SIK3: variants seen among roughly 807,000 people sequenced by gnomAD.
SIK3 encodes serine/threonine-protein kinase SIK3.
In SIK3, 28 loss-of-function variants were observed where a neutral mutation model predicts 144.2. The observed-to-expected ratio is 0.19, with a 90% CI of 0.14 to 0.27. SIK3 has a LOEUF of 0.27. Among genes scored for constraint, SIK3 ranks in the 10% least tolerant of loss-of-function variants. The probability of loss-of-function intolerance (pLI) is 1.00; values close to 1 mark genes in which losing one functional copy is unlikely to be tolerated. For missense variants in SIK3, 1,319 were observed against 1,776.0 expected (o/e 0.74, Z 4.62); for synonymous variants, 686 against 676.3 (o/e 1.01, Z -0.22).
At chr11:116,995,190 CCA>C (rs1950621204) in intron 1 of SIK3, among the ~76,000 whole-genome samples, 1 of 151,492 alleles carries the variant, frequency 6.6e-6, no homozygotes, top group Non-Finnish European at 1.5e-5. Context: ...TCGCTTGAAC[CCA>C]GGAGGTGGAG....
intron 1 of SIK3, among the ~76,000 whole-genome samples, chr11:117,051,913 G>A (rs1264690651): frequency 2.0e-5 from 3 of 151,984 alleles, no homozygotes; most frequent in African/African-American, 7.2e-5. Flanking sequence ...GAAGGCTGAG[G>A]CAGGTGGATC....
intron 1 of SIK3, among the ~76,000 whole-genome samples, chr11:117,040,318 T>C (rs1952683021): frequency 6.6e-6 from 1 of 152,208 alleles, no homozygotes; most frequent in Non-Finnish European, 1.5e-5. Flanking sequence ...ATTAATTATC[T>C]AAAGCATTTA....
chr11:117,005,354 A>AG, intron 1 of SIK3, among the ~76,000 whole-genome samples: 13 of 151,342 alleles, frequency 8.6e-5, no homozygotes, highest in Admixed American at 4.0e-4. Context: ...AAAAAAAAAA[A>AG]AAAAAAAGAT....
intron 1 of SIK3, among the ~76,000 whole-genome samples, chr11:116,962,884 C>T (rs1370362952): frequency 6.6e-6 from 1 of 151,780 alleles, no homozygotes; most frequent in African/African-American, 2.4e-5. Context: ...CTAATTTCAC[C>T]ACTTTTTACT....
At chr11:116,967,015 G>GAAAA (rs1233594261) in intron 1 of SIK3, among the ~76,000 whole-genome samples, 2 of 127,860 alleles carry the variant, frequency 1.6e-5, no homozygotes, top group East Asian at 2.1e-4. Context: ...AAAAAAAAAA[G>GAAAA]AAAAAGAAAA....
intron 7 of SIK3, 122 bp downstream of exon 7, chr11:116,876,802 G>C: frequency 2.6e-6 from 2 of 756,686 alleles, no homozygotes; most frequent in Admixed American, 4.0e-5. Context: ...TGCTGCTTTA[G>C]TGTTACATAA....
chr11:116,909,956 T>C (rs1946251751), intron 4 of SIK3, among the ~76,000 whole-genome samples: 1 of 152,194 alleles, frequency 6.6e-6, no homozygotes, highest in Non-Finnish European at 1.5e-5. Context: ...GAAGAATATA[T>C]ACAATGATGA....
chr11:117,016,874 C>T (rs577424258), intron 1 of SIK3, among the ~76,000 whole-genome samples: 1 of 151,968 alleles, frequency 6.6e-6, no homozygotes, highest in African/African-American at 2.4e-5. Context: ...CAAATGTCCA[C>T]CAACAATAGA....
intron 1 of SIK3, among the ~76,000 whole-genome samples, chr11:116,985,591 C>T (rs1037113020): frequency 6.6e-6 from 1 of 152,106 alleles, no homozygotes; most frequent in African/African-American, 2.4e-5. Flanking sequence ...TTTTGGCCTC[C>T]ATTTGTATCT....
chr11:116,912,787 T>C (rs1436464920), intron 4 of SIK3, among the ~76,000 whole-genome samples: 2 of 152,210 alleles, frequency 1.3e-5, no homozygotes, highest in African/African-American at 2.4e-5. Flanking sequence ...CATTTGCAAT[T>C]AGAGACCCAA....
chr11:116,941,005 T>C (rs1326525427), intron 3 of SIK3, among the ~76,000 whole-genome samples: 1 of 152,164 alleles, frequency 6.6e-6, no homozygotes, highest in East Asian at 1.9e-4. Context: ...TTTGTTTGTT[T>C]GTTTTGTTTT....
chr11:117,087,827 T>C (rs1227562172), intron 1 of SIK3, among the ~76,000 whole-genome samples: 7 of 152,112 alleles, frequency 4.6e-5, no homozygotes, highest in Non-Finnish European at 1.0e-4. Flanking sequence ...CAGAAGTACA[T>C]CAAAGACTTG....
chr11:116,943,844 A>G (rs1948439673), intron 3 of SIK3, among the ~76,000 whole-genome samples: 1 of 152,050 alleles, frequency 6.6e-6, no homozygotes, highest in East Asian at 1.9e-4. Flanking sequence ...CTAAATTAGC[A>G]CTATCAAATA....
intron 1 of SIK3, among the ~76,000 whole-genome samples, chr11:117,093,974 G>C (rs1955361202): frequency 6.6e-6 from 1 of 152,132 alleles, no homozygotes; most frequent in South Asian, 2.1e-4. Context: ...GATGATGATG[G>C]TAATATTTAC....
chr11:116,863,882 G>A (rs545416588), intron 15 of SIK3, 64 bp from the exon 16 acceptor site: 11 of 1,474,170 alleles, frequency 7.5e-6, no homozygotes, highest in African/African-American at 7.1e-5. Flanking sequence ...ATCACACAGG[G>A]ACTGCTGTTC....
intron 1 of SIK3, among the ~76,000 whole-genome samples, chr11:117,013,116 AGTT>A (rs1457996258): frequency 6.6e-6 from 1 of 152,094 alleles, no homozygotes; most frequent in African/African-American, 2.4e-5. Context: ...CACCAAAGAT[AGTT>A]TCTGTTATTT....
At chr11:116,899,951 C>T (rs1044566091) in intron 4 of SIK3, among the ~76,000 whole-genome samples, 2 of 152,184 alleles carry the variant, frequency 1.3e-5, no homozygotes, top group South Asian at 2.1e-4. Flanking sequence ...CTACCTTCTA[C>T]AGAAGGTGTT....
intron 6 of SIK3, among the ~76,000 whole-genome samples, chr11:116,892,907 A>G (rs1286576386): frequency 6.6e-6 from 1 of 152,234 alleles, no homozygotes; most frequent in Non-Finnish European, 1.5e-5. Context: ...CAAGCCATGA[A>G]GAGACATGGA....
intron 1 of SIK3, among the ~76,000 whole-genome samples, chr11:117,092,467 C>G (rs545637577): frequency 1.3e-5 from 2 of 152,278 alleles, no homozygotes; most frequent in East Asian, 3.9e-4. Flanking sequence ...GCAGCCCCCC[C>G]CAGGGATTCT....
Sources: gnomAD v4.1 joint callset for allele counts (sites outside exome capture counted in the v4.1 genomes callset) on GRCh38, gnomAD v4.1.1 for gene constraint, MANE v1.5 for transcripts, NCBI Gene and HGNC (gene_info 2026-07-23, HGNC 2026-07-21) for gene names.